Variants in GPC5 observed in about 807,000 individuals in gnomAD.
GPC5 encodes glypican-5.
In GPC5, 47 loss-of-function variants were observed where a neutral mutation model predicts 53.9. The ratio of observed to expected loss-of-function variants is 0.87; its 90% CI spans 0.69 to 1.11. GPC5 has a LOEUF of 1.11. Among genes scored for constraint, GPC5 ranks in the 50% most tolerant of loss-of-function variants. The pLI, the probability that GPC5 is intolerant of heterozygous loss-of-function variation, is 0.00. For synonymous variants in GPC5, 286 were observed against 263.3 expected, an observed-to-expected ratio of 1.09 and a Z score of -0.84; for missense variants, 748 against 713.1, an observed-to-expected ratio of 1.05 and a Z score of -0.56.
chr13:91,650,145 A>C (rs1466348796), intron 2 of GPC5, among the ~76,000 whole-genome samples: 1 of 152,090 alleles, frequency 6.6e-6, no homozygotes, highest in East Asian at 1.9e-4. Context: ...ATGTATATGA[A>C]GTATGTATGT....
At chr13:92,775,086 G>A (rs982720087) in intron 7 of GPC5, among the ~76,000 whole-genome samples, 2 of 152,188 alleles carry the variant, frequency 1.3e-5, no homozygotes, top group South Asian at 2.1e-4. Flanking sequence ...ATGAGTCACA[G>A]TATTTGAAGG....
rs188614006 is a variant in GPC5 at position 92,780,783 on chromosome 13, T to C, written c.1562-85499T>C. ...AATGCTATGAAAGTATATTCAATCA[T>C]AGAATATCAGATATTTAGTCAAGGT... On this transcript the variant is annotated intron_variant, in intron 7 of 7. Transcript: ENST00000377067. 2.3e-4 allele frequency among the ~76,000 whole-genome samples: 35 copies of C among 152,214 alleles called. No individual in the cohort carries two copies. The East Asian group carries it at 4.4e-3, about 19-fold the overall frequency.
intron 2 of GPC5, among the ~76,000 whole-genome samples, chr13:91,613,537 C>T (rs1050293969): frequency 6.6e-6 from 1 of 152,098 alleles, no homozygotes; most frequent in Admixed American, 6.6e-5. Context: ...TCTTGCCTAA[C>T]ATTTGGGACT....
chr13:91,507,610 C>T (rs1045472723), intron 2 of GPC5, among the ~76,000 whole-genome samples: 5 of 152,172 alleles, frequency 3.3e-5, no homozygotes, highest in African/African-American at 9.7e-5. Context: ...TCCCACAACA[C>T]GTGGAAATTA....
intron 2 of GPC5, among the ~76,000 whole-genome samples, chr13:91,498,799 G>T (rs557922126): frequency 6.6e-6 from 1 of 151,634 alleles, no homozygotes; most frequent in East Asian, 1.9e-4. Flanking sequence ...GTGAAACCCC[G>T]TCTCTACAAA....
intron 7 of GPC5, among the ~76,000 whole-genome samples, chr13:92,476,951 G>A (rs1391639285): frequency 2.4e-4 from 36 of 148,790 alleles, no homozygotes; most frequent in South Asian, 1.3e-3. Context: ...GCTAGATGAC[G>A]AGATAGTGGG....
At chr13:91,453,882 T>A (rs72640378) in intron 2 of GPC5, among the ~76,000 whole-genome samples, 2,179 of 152,190 alleles carry the variant, frequency 0.014, 59 homozygotes, top group East Asian at 0.11. Flanking sequence ...GGTACTTAGA[T>A]TGTACACAGT....
intron 7 of GPC5, among the ~76,000 whole-genome samples, chr13:92,440,684 C>T (rs1447358310): frequency 6.6e-6 from 1 of 152,174 alleles, no homozygotes. Context: ...AAACTGCTCT[C>T]TACAGTGGCT....
intron 7 of GPC5, among the ~76,000 whole-genome samples, chr13:92,494,993 C>T (rs1371018285): frequency 6.6e-6 from 1 of 152,100 alleles, no homozygotes; most frequent in East Asian, 1.9e-4. Flanking sequence ...CTTCTTGTAT[C>T]TCAGATTTTC....
At chr13:92,344,748 T>C (rs2139254815) in intron 7 of GPC5, among the ~76,000 whole-genome samples, 1 of 152,262 alleles carries the variant, frequency 6.6e-6, no homozygotes, top group African/African-American at 2.4e-5. Context: ...TCAGGCTCTC[T>C]CAACAGCTTG....
chr13:92,301,409 A>G (rs1353957272), intron 7 of GPC5, among the ~76,000 whole-genome samples: 1 of 152,050 alleles, frequency 6.6e-6, no homozygotes, highest in Non-Finnish European at 1.5e-5. Context: ...AGCACTAAAA[A>G]GTTAAAAAAT....
chr13:92,409,273 A>G (rs890150231), intron 7 of GPC5, among the ~76,000 whole-genome samples: 23 of 151,960 alleles, frequency 1.5e-4, no homozygotes, highest in African/African-American at 4.8e-4. Context: ...ATATCCTTCA[A>G]TGCTAAAATA....
At chr13:92,074,714 T>G (rs542706184) in intron 6 of GPC5, among the ~76,000 whole-genome samples, 1 of 152,294 alleles carries the variant, frequency 6.6e-6, no homozygotes, top group African/African-American at 2.4e-5. Context: ...TGCAGGAAGG[T>G]ATTTGTAACC....
intron 4 of GPC5, among the ~76,000 whole-genome samples, chr13:91,755,941 G>A (rs574904307): frequency 2.6e-5 from 4 of 152,034 alleles, no homozygotes; most frequent in South Asian, 4.2e-4. Context: ...TTTTAGGGAG[G>A]CTAAATGAAG....
At chr13:92,038,384 G>GATAGATAGA (rs1566406945) in intron 6 of GPC5, among the ~76,000 whole-genome samples, 1 of 73,770 alleles carries the variant, frequency 1.4e-5, no homozygotes, top group Non-Finnish European at 2.6e-5. Flanking sequence ...AGATAGATAG[G>GATAGATAGA]TAGATAGATA....
chr13:91,816,612 T>C (rs994081223), intron 5 of GPC5, among the ~76,000 whole-genome samples: 1 of 152,244 alleles, frequency 6.6e-6, no homozygotes, highest in Non-Finnish European at 1.5e-5. Flanking sequence ...ATTTATAGTA[T>C]GTCTTTGCAA....
chr13:91,859,558 A>G (rs1338890688), intron 5 of GPC5, among the ~76,000 whole-genome samples: 2 of 151,896 alleles, frequency 1.3e-5, no homozygotes, highest in Admixed American at 6.6e-5. Context: ...TAAGCTGCCA[A>G]ATTCGTGAGT....
intron 7 of GPC5, among the ~76,000 whole-genome samples, chr13:92,733,809 T>G (rs1888868396): frequency 6.6e-6 from 1 of 151,788 alleles, no homozygotes; most frequent in South Asian, 2.1e-4. Context: ...AGTAATTAAA[T>G]AAAATCATAT....
intron 2 of GPC5, among the ~76,000 whole-genome samples, chr13:91,637,693 C>T (rs2034318152): frequency 6.6e-6 from 1 of 152,164 alleles, no homozygotes; most frequent in African/African-American, 2.4e-5. Context: ...ACTGCTAAGG[C>T]GAAGAGAGAA....
Sources: gnomAD v4.1 joint callset for allele counts (sites outside exome capture counted in the v4.1 genomes callset) on GRCh38, gnomAD v4.1.1 for gene constraint, MANE v1.5 for transcripts, NCBI Gene and HGNC (gene_info 2026-07-23, HGNC 2026-07-21) for gene names.